RBM27: variants seen among roughly 807,000 people sequenced by gnomAD.
The protein encoded by RBM27 is RNA-binding protein 27.
A neutral mutation model predicts 135.3 loss-of-function variants in RBM27; 22 were observed. The observed-to-expected ratio is 0.16, with a 90% CI of 0.12 to 0.23. The LOEUF (loss-of-function observed/expected upper bound fraction) is 0.23. RBM27 is among the 10% of genes least tolerant of loss of function. RBM27 has a pLI of 1.00. For synonymous variants in RBM27, 481 were observed against 442.4 expected, an observed-to-expected ratio of 1.09 and a Z score of -1.10; for missense variants, 1,009 against 1,281.0, an observed-to-expected ratio of 0.79 and a Z score of 3.24.
At chr5:146,253,142 C>T (rs770758460) in intron 9 of RBM27, among the ~76,000 whole-genome samples, 15 of 152,140 alleles carry the variant, frequency 9.9e-5, no homozygotes, top group Middle Eastern at 3.4e-3. Flanking sequence ...GGATTACAGG[C>T]GTGCATCACC....
chr5:146,271,127 G>A lies in RBM27; in HGVS notation c.2796+69G>A, dbSNP rs1375754052. 9.0e-5 allele frequency: 107 copies of A among 1,193,590 alleles called. No homozygotes were observed. In the South Asian group the frequency reaches 9.5e-4, roughly 11 times the overall value. 73.9% of individuals were successfully genotyped at this position (1,193,590 alleles called of 1,614,324 possible). The stretch of plus-strand genomic sequence containing the variant: ...CAAAAAAGTTTTCCTTTGACCGGGC[G>A]CGGTGGCTCACGCCTGTAATCTCAG... On this transcript the variant is annotated intron_variant, in intron 18 of 20. Transcript: ENST00000265271.
chr5:146,234,027 T>C (rs1290048998), intron 7 of RBM27, among the ~76,000 whole-genome samples: 1 of 152,120 alleles, frequency 6.6e-6, no homozygotes, highest in Non-Finnish European at 1.5e-5. Context: ...TATTTATTTA[T>C]CTATTTTTAT....
intron 9 of RBM27, among the ~76,000 whole-genome samples, chr5:146,254,129 T>C (rs1323086584): frequency 6.6e-6 from 1 of 152,158 alleles, no homozygotes; most frequent in Non-Finnish European, 1.5e-5. Flanking sequence ...TCTTCACATA[T>C]GGTGTTTGTG....
chr5:146,251,256 C>A (rs935167169), intron 8 of RBM27, among the ~76,000 whole-genome samples: 6 of 151,976 alleles, frequency 3.9e-5, no homozygotes, highest in Admixed American at 1.3e-4. Flanking sequence ...GATACGGGAG[C>A]ATATTTGGTG....
At chr5:146,260,085 C>T (rs777478762) in intron 11 of RBM27, among the ~76,000 whole-genome samples, 29 of 150,782 alleles carry the variant, frequency 1.9e-4, no homozygotes, top group African/African-American at 4.4e-4. Flanking sequence ...AGATCACCGA[C>T]GCCAGGAGTT....
intron 1 of RBM27, among the ~76,000 whole-genome samples, chr5:146,216,292 C>A (rs1756190658): frequency 6.6e-6 from 1 of 152,076 alleles, no homozygotes; most frequent in African/African-American, 2.4e-5. Context: ...CACACTTTGG[C>A]CTCCCACAGG....
chr5:146,232,537 C>T (rs1756982749), intron 6 of RBM27, among the ~76,000 whole-genome samples: 2 of 152,004 alleles, frequency 1.3e-5, no homozygotes, highest in Admixed American at 6.6e-5. Context: ...AGAGAGCTTT[C>T]TCAGTATTTA....
intron 1 of RBM27, among the ~76,000 whole-genome samples, chr5:146,207,666 T>C (rs965501324): frequency 5.3e-5 from 8 of 151,276 alleles, no homozygotes; most frequent in Non-Finnish European, 7.4e-5. Flanking sequence ...TTCTTTTTTT[T>C]TTTTTTTTTT....
At chr5:146,215,645 G>C (rs985435374) in intron 1 of RBM27, among the ~76,000 whole-genome samples, 1 of 152,000 alleles carries the variant, frequency 6.6e-6, no homozygotes, top group Non-Finnish European at 1.5e-5. Context: ...ATGTAGACTA[G>C]AACTACACTG....
intron 7 of RBM27, among the ~76,000 whole-genome samples, chr5:146,236,259 C>T (rs186797091): frequency 2.0e-5 from 3 of 152,292 alleles, no homozygotes; most frequent in African/African-American, 7.2e-5. Context: ...TAGCATTTTA[C>T]TGTATTTATG....
intron 2 of RBM27, among the ~76,000 whole-genome samples, chr5:146,220,664 A>AT (rs1308702941): frequency 1.3e-5 from 2 of 151,976 alleles, no homozygotes; most frequent in Non-Finnish European, 2.9e-5. Context: ...AGGATTACAT[A>AT]TTTTTTCCTA....
At chr5:146,243,419 T>G (rs948997964) in intron 8 of RBM27, among the ~76,000 whole-genome samples, 2 of 152,226 alleles carry the variant, frequency 1.3e-5, no homozygotes, top group African/African-American at 4.8e-5. Context: ...TAGAAACTTT[T>G]TGAGTGCCAA....
chr5:146,266,500 C>T (rs1758625098), intron 14 of RBM27, among the ~76,000 whole-genome samples: 1 of 152,132 alleles, frequency 6.6e-6, no homozygotes, highest in South Asian at 2.1e-4. Context: ...CCTGTGTAAA[C>T]TAGTTTAATT....
chr5:146,267,163 A>G (rs756525286), intron 14 of RBM27, among the ~76,000 whole-genome samples: 31 of 152,224 alleles, frequency 2.0e-4, no homozygotes, highest in Non-Finnish European at 3.2e-4. Context: ...GATTTTGGCT[A>G]AGTTAGATGA....
Position 146,288,274 on chromosome 5 carries a change from A to G in RBM27, c.*2244A>G, listed in dbSNP as rs1389847308. ...CTCTCAGTAAAAAGTTGAAAATTTG[A>G]CTTTTTAGTATTGGGGGCAGAAGAT... On this transcript the variant is annotated 3_prime_UTR_variant, in exon 21 of 21. Coordinates refer to ENST00000265271, the MANE Select transcript of RBM27 (RefSeq NM_018989.2). 1 of 151,986 alleles carries G rather than the reference A, an allele frequency of 6.6e-6. No homozygotes were observed. Among genetic ancestry groups the G allele is most frequent in the Non-Finnish European group, 1.5e-5 (1 of 67,920 alleles). The allele number at this position is 151,986 out of a possible 1,614,324, so 9.4% of individuals were successfully genotyped here.
chr5:146,285,382 T>C (rs1231267618), intron 20 of RBM27, among the ~76,000 whole-genome samples: 3 of 152,134 alleles, frequency 2.0e-5, no homozygotes, highest in African/African-American at 7.2e-5. Context: ...TCTCACTATA[T>C]AGGTAATTTT....
chr5:146,248,033 G>A (rs1451313860), intron 8 of RBM27, among the ~76,000 whole-genome samples: 1 of 151,688 alleles, frequency 6.6e-6, no homozygotes, highest in Non-Finnish European at 1.5e-5. Flanking sequence ...TGATATATGT[G>A]TATTTTCTTT....
intron 19 of RBM27, among the ~76,000 whole-genome samples, chr5:146,280,418 T>C (rs1266436771): frequency 3.3e-5 from 5 of 152,156 alleles, no homozygotes; most frequent in Admixed American, 2.0e-4. Context: ...AAAAACCAAC[T>C]ATACTGATCA....
At chr5:146,233,845 T>C in intron 7 of RBM27, 102 bp downstream of exon 7, 1 of 772,820 alleles carries the variant, frequency 1.3e-6, no homozygotes, top group Non-Finnish European at 1.8e-6. Context: ...AGAAATAGAG[T>C]AATAATATAA....
Sources: gnomAD v4.1 joint callset for allele counts (sites outside exome capture counted in the v4.1 genomes callset) on GRCh38, gnomAD v4.1.1 for gene constraint, MANE v1.5 for transcripts, NCBI Gene and HGNC (gene_info 2026-07-23, HGNC 2026-07-21) for gene names.